COG3: variants seen among roughly 807,000 people sequenced by gnomAD.
The protein encoded by COG3 is conserved oligomeric Golgi complex subunit 3.
COG3 carries 32 observed loss-of-function variants against 114.1 expected under a neutral mutation model. The observed-to-expected ratio is 0.28, with a 90% CI of 0.21 to 0.38. The LOEUF (loss-of-function observed/expected upper bound fraction) is 0.38, where lower values mean the gene tolerates loss of function less well. Among genes scored for constraint, COG3 ranks in the 10% least tolerant of loss-of-function variants. The probability of loss-of-function intolerance (pLI) is 1.00; values close to 1 mark genes in which losing one functional copy is unlikely to be tolerated. For missense variants in COG3, 813 were observed against 973.2 expected, an observed-to-expected ratio of 0.84 and a Z score of 2.19; for synonymous variants, 352 against 365.7, an observed-to-expected ratio of 0.96 and a Z score of 0.43.
chr13:45,486,667 C>G (rs749376927), intron 8 of COG3, 92 bp downstream of exon 8: 3 of 791,364 alleles, frequency 3.8e-6, no homozygotes, highest in Non-Finnish European at 6.8e-6. Flanking sequence ...TTGTTTATAC[C>G]GAGGAAGTGA....
Position 45,496,325 on chromosome 13 carries a change from T to C in COG3, c.1488+13T>C. On this transcript the variant is annotated intron_variant, in intron 13 of 22. Coordinates refer to ENST00000349995, the MANE Select transcript of COG3 (RefSeq NM_031431.4). ...AGTCATGATGGAGGTAGGATCTCCT[T>C]ACTTGATCTCCCGTCTGCCCCCACA... The C allele has an allele frequency of 6.5e-7, 1 of 1,547,368 alleles. No homozygotes were observed. Among genetic ancestry groups the C allele is most frequent in the Admixed American group, 1.8e-5 (1 of 55,482 alleles).
chr13:45,477,430 A>G (rs890002488), intron 2 of COG3, among the ~76,000 whole-genome samples: 16 of 152,232 alleles, frequency 1.1e-4, no homozygotes, highest in Admixed American at 4.6e-4. Context: ...TTTAAGTGTC[A>G]GCTCAATGAG....
intron 11 of COG3, among the ~76,000 whole-genome samples, 185 bp from the exon 12 acceptor site, chr13:45,493,162 A>G (rs1887119954): frequency 2.0e-5 from 3 of 152,136 alleles, no homozygotes. Context: ...TGAGCTTTTA[A>G]AGCAAAAACT....
chr13:45,492,288 T>G lies in COG3; in HGVS notation c.1187+38T>G. 8.2e-7 allele frequency: 1 copy of G among 1,224,400 alleles called. No individual in the cohort carries two copies. The highest frequency in any genetic ancestry group is 1.2e-6 in the Non-Finnish European group (1 of 838,882). 75.8% of individuals were successfully genotyped at this position (1,224,400 alleles called of 1,614,324 possible). On this transcript the variant is annotated intron_variant, in intron 11 of 22. Transcript: ENST00000349995. ...GGAATCTAACTCTTGTTCATAAAAT[T>G]TAACTTGCTAATGACCATAATGAAT...
intron 8 of COG3, 29 bp from the exon 9 acceptor site, chr13:45,490,886 T>A: frequency 6.8e-7 from 1 of 1,467,368 alleles, no homozygotes; most frequent in Non-Finnish European, 9.4e-7. Context: ...CAGAGATGGT[T>A]TTTTGATGCA....
intron 14 of COG3, among the ~76,000 whole-genome samples, chr13:45,504,702 A>G (rs1233287355): frequency 2.6e-5 from 4 of 152,176 alleles, no homozygotes; most frequent in Non-Finnish European, 5.9e-5. Context: ...AGGGTTGAAT[A>G]AGGTCCATGT....
intron 15 of COG3, among the ~76,000 whole-genome samples, chr13:45,510,479 G>A (rs1487167681): frequency 1.3e-5 from 2 of 152,170 alleles, no homozygotes; most frequent in Non-Finnish European, 2.9e-5. Flanking sequence ...TCCCCAGGGT[G>A]TCCATTAGGT....
rs114668689 is a variant in COG3 at position 45,495,660 on chromosome 13, G to A, written c.1328-492G>A. Among the ~76,000 whole-genome samples, 1,358 of 152,248 alleles carry A rather than the reference G, an allele frequency of 8.9e-3. 21 individuals are homozygous for A. The highest frequency in any genetic ancestry group is 0.03 in the African/African-American group (1,265 of 41,552). Reference sequence around the variant, plus strand: ...CTCCCAAAATGCTGGGATTATAGGTGTGAGCCACTGCGCCTTGCTGATGGC... The same window carrying A: ...CTCCCAAAATGCTGGGATTATAGGTATGAGCCACTGCGCCTTGCTGATGGC... On this transcript the variant is annotated intron_variant, in intron 12 of 22. Coordinates refer to ENST00000349995, the MANE Select transcript of COG3 (RefSeq NM_031431.4).
intron 15 of COG3, among the ~76,000 whole-genome samples, chr13:45,510,626 G>A (rs558796252): frequency 3.9e-5 from 6 of 152,316 alleles, no homozygotes; most frequent in East Asian, 3.9e-4. Flanking sequence ...ACCTCTTAGG[G>A]TGCTTAACAG....
chr13:45,497,486 A>G (rs550371354), intron 13 of COG3, among the ~76,000 whole-genome samples: 77 of 152,158 alleles, frequency 5.1e-4, no homozygotes, highest in Non-Finnish European at 8.1e-4. Flanking sequence ...CATGATTTCA[A>G]TTAGTAAATA....
chr13:45,498,520 A>G (rs1343977332), intron 13 of COG3, among the ~76,000 whole-genome samples: 1 of 152,040 alleles, frequency 6.6e-6, no homozygotes, highest in African/African-American at 2.4e-5. Flanking sequence ...GTCCAGTTTC[A>G]TTCTTCTGCA....
chr13:45,489,362 A>G (rs78389914), intron 8 of COG3, among the ~76,000 whole-genome samples: 3,242 of 150,702 alleles, frequency 0.022, 117 homozygotes, highest in African/African-American at 0.074. Context: ...GAATATGTAT[A>G]CAACCTAGAT....
intron 8 of COG3, among the ~76,000 whole-genome samples, chr13:45,487,509 A>G (rs1407845949): frequency 6.6e-6 from 1 of 152,252 alleles, no homozygotes; most frequent in African/African-American, 2.4e-5. Context: ...AGGGACTAAT[A>G]TTCAGAATAT....
intron 1 of COG3, among the ~76,000 whole-genome samples, chr13:45,468,482 T>G (rs1012130918): frequency 2.0e-5 from 3 of 152,160 alleles, no homozygotes; most frequent in African/African-American, 7.2e-5. Flanking sequence ...TTGAGGAAGG[T>G]TCTGAGACTC....
At chr13:45,472,713 T>G (rs2137778553) in intron 1 of COG3, among the ~76,000 whole-genome samples, 1 of 152,358 alleles carries the variant, frequency 6.6e-6, no homozygotes, top group Middle Eastern at 3.4e-3. Context: ...TTCAGTTTTC[T>G]GTTGAAATTG....
intron 17 of COG3, among the ~76,000 whole-genome samples, 180 bp downstream of exon 17, chr13:45,516,443 T>C (rs1386516501): frequency 6.6e-6 from 1 of 152,240 alleles, no homozygotes; most frequent in Admixed American, 6.5e-5. Context: ...ACTTGCTGTA[T>C]TTTCTTTATG....
At position 45,483,236 on chromosome 13, in the gene COG3, T is replaced by G. The variant is rs1886363193; in HGVS notation, c.724T>G (p.Phe242Val). Residue 242 changes from phenylalanine (F) to valine (V), a missense_variant, in exon 7 of 23, where the codon TTT (phenylalanine) becomes GTT (valine). Transcript: ENST00000349995. The stretch of plus-strand genomic sequence containing the variant: ...CTTTCTCTTTTCCTTACAGCCTAAT[T>G]TTAAAGATTATCCCATATATTTGCT... ...CITYISSHPN[F>V]KDYPIYLLKF... 1 of 1,582,598 alleles carries G rather than the reference T, an allele frequency of 6.3e-7. No individual in the cohort carries two copies. The highest frequency in any genetic ancestry group is 1.4e-5 in the African/African-American group (1 of 74,030).
Position 45,476,362 on chromosome 13 carries a change from C to T in COG3, c.321+15C>T. The T allele has an allele frequency of 6.2e-7, 1 of 1,611,042 alleles. No individual in the cohort carries two copies. Among genetic ancestry groups the T allele is most frequent in the Non-Finnish European group, 8.5e-7 (1 of 1,177,790 alleles). ...CCGCACAGCAGGTGAATTGCAGTAT[C>T]TTTTCTAAGGATGTTTGATTATTTC... is the stretch of plus-strand genomic sequence containing the variant. On this transcript the variant is annotated intron_variant, in intron 2 of 22. Coordinates refer to ENST00000349995, the MANE Select transcript of COG3 (RefSeq NM_031431.4).
chr13:45,514,720 T>C (rs1871356769), intron 16 of COG3, among the ~76,000 whole-genome samples: 1 of 152,068 alleles, frequency 6.6e-6, no homozygotes, highest in African/African-American at 2.4e-5. Context: ...TGATCTTGGC[T>C]CACTGCAAGC....
Sources: gnomAD v4.1 joint callset for allele counts (sites outside exome capture counted in the v4.1 genomes callset) on GRCh38, gnomAD v4.1.1 for gene constraint, MANE v1.5 for transcripts, NCBI Gene and HGNC (gene_info 2026-07-23, HGNC 2026-07-21) for gene names.